ZNF280D: variants seen among roughly 807,000 people sequenced by gnomAD.
ZNF280D encodes the protein suppressor of hairy wing homolog 4.
Under a neutral mutation model 94.7 loss-of-function variants are expected in ZNF280D, and 39 were observed. The observed-to-expected ratio is 0.41, with a 90% CI of 0.32 to 0.54. ZNF280D has a LOEUF of 0.54. Ranked by LOEUF, ZNF280D falls within the 20% of genes least tolerant of loss-of-function variation. The pLI is 0.22. For synonymous variants in ZNF280D, 398 were observed against 377.6 expected (o/e 1.05, Z -0.63); for missense variants, 1,090 against 1,149.3 (o/e 0.95, Z 0.75).
intron 1 of ZNF280D, among the ~76,000 whole-genome samples, chr15:56,723,042 C>T (rs1402293641): frequency 7.4e-6 from 1 of 134,836 alleles, no homozygotes; most frequent in Non-Finnish European, 1.5e-5. Context: ...ATCACATGGA[C>T]ACAGGAAGGG....
intron 1 of ZNF280D, among the ~76,000 whole-genome samples, chr15:56,709,401 A>T (rs1346875534): frequency 2.0e-4 from 30 of 151,678 alleles, no homozygotes; most frequent in African/African-American, 6.8e-4. Context: ...ACACTTTTAC[A>T]CTGTTGGTGG....
At position 56,699,517 on chromosome 15, in the gene ZNF280D, T is replaced by C. The variant is rs111944807; in HGVS notation, c.381+1416A>G. The C allele has an allele frequency of 3.5e-4, 295 of 835,622 alleles. 7 individuals carry two copies. The African/African-American group carries it at 4.7e-3, about 13-fold the overall frequency. 51.8% of individuals were successfully genotyped at this position (835,622 alleles called of 1,614,324 possible). ...AACTAACATGACTGAAATAAAATAG[T>C]GTTATATTTTGTTCTTTAGACTCTT... is the stretch of plus-strand genomic sequence containing the variant. On this transcript the variant is annotated intron_variant, in intron 6 of 21. Coordinates refer to ENST00000267807, the MANE Select transcript of ZNF280D (RefSeq NM_017661.4).
In ZNF280D at chr15:56,652,098, T is replaced by C. The variant is rs1254154984; in HGVS notation, c.2213+2100A>G. On this transcript the variant is annotated intron_variant, in intron 19 of 21. Coordinates refer to ENST00000267807, the MANE Select transcript of ZNF280D (RefSeq NM_017661.4). ...GTCCACTACTAAGAAACAAACTACT[T>C]GCGGAGATTTTGGAAAACCTTTCAC... is the stretch of plus-strand genomic sequence containing the variant. 3.3e-5 allele frequency among the ~76,000 whole-genome samples: 5 copies of C among 151,450 alleles called. No homozygotes were observed. The East Asian group carries it at 9.6e-4, about 29-fold the overall frequency.
intron 1 of ZNF280D, among the ~76,000 whole-genome samples, chr15:56,708,012 G>A (rs1328117640): frequency 3.3e-5 from 5 of 151,760 alleles, no homozygotes; most frequent in African/African-American, 7.3e-5. Context: ...CCATGCACAC[G>A]CAATAGCATG....
chr15:56,651,545 A>G (rs2053205495), intron 19 of ZNF280D, among the ~76,000 whole-genome samples: 1 of 152,086 alleles, frequency 6.6e-6, no homozygotes, highest in Non-Finnish European at 1.5e-5. Context: ...GATACATACT[A>G]TAAAAAAAAA....
Position 56,640,154 on chromosome 15 carries a change from T to C in ZNF280D, c.2259+2798A>G, listed in dbSNP as rs567007248. Among the ~76,000 whole-genome samples the C allele has an allele frequency of 2.1e-3, 327 of 152,300 alleles. 2 individuals carry two copies. Among genetic ancestry groups the C allele is most frequent in the African/African-American group, 7.6e-3 (317 of 41,568 alleles). On this transcript the variant is annotated intron_variant, in intron 20 of 21. Transcript: ENST00000267807. The stretch of plus-strand genomic sequence containing the variant: ...GGAAAAGAAATCATGGGGTACTTTC[T>C]GGCTCAGCATAACAGTCTCAAAAAT...
intron 1 of ZNF280D, among the ~76,000 whole-genome samples, chr15:56,720,010 C>T (rs1380792394): frequency 6.6e-6 from 1 of 151,480 alleles, no homozygotes; most frequent in Non-Finnish European, 1.5e-5. Flanking sequence ...TAGTGGCTGG[C>T]TGAAGGTTGG....
chr15:56,663,064 A>G (rs2054055964), intron 16 of ZNF280D, among the ~76,000 whole-genome samples: 1 of 151,372 alleles, frequency 6.6e-6, no homozygotes, highest in South Asian at 2.1e-4. Context: ...TAGGCAGATC[A>G]CTTAAGCCCA....
At chr15:56,716,367 T>C (rs759845794) in intron 1 of ZNF280D, among the ~76,000 whole-genome samples, 2 of 152,044 alleles carry the variant, frequency 1.3e-5, no homozygotes, top group Non-Finnish European at 2.9e-5. Flanking sequence ...AAGTTGTTAT[T>C]TGAAGAAAGG....
At chr15:56,719,796 T>C (rs2058248672) in intron 1 of ZNF280D, among the ~76,000 whole-genome samples, 1 of 151,374 alleles carries the variant, frequency 6.6e-6, no homozygotes, top group South Asian at 2.1e-4. Flanking sequence ...AATATAAAAG[T>C]TAGGTTTACA....
In ZNF280D at chr15:56,663,605, C is replaced by T. The variant is rs137956271; in HGVS notation, c.1994+2790G>A. Among the ~76,000 whole-genome samples, 11 of 152,268 alleles carry T rather than the reference C, an allele frequency of 7.2e-5. No homozygotes were observed. The East Asian group carries it at 1.5e-3, about 21-fold the overall frequency. On this transcript the variant is annotated intron_variant, in intron 16 of 21. Coordinates refer to ENST00000267807, the MANE Select transcript of ZNF280D (RefSeq NM_017661.4). ...GAGGTTGAGAAAAAGACAAAAAGAC[C>T]TACCCAACCCTAAGAGTGGCAATGG... is the stretch of plus-strand genomic sequence containing the variant.
intron 20 of ZNF280D, among the ~76,000 whole-genome samples, chr15:56,640,465 C>A (rs2052574465): frequency 6.6e-6 from 1 of 151,880 alleles, no homozygotes; most frequent in Non-Finnish European, 1.5e-5. Context: ...GAATGTTAGT[C>A]AGAAAAATAT....
chr15:56,705,063 C>A (rs1317039005), intron 3 of ZNF280D, among the ~76,000 whole-genome samples: 1 of 151,852 alleles, frequency 6.6e-6, no homozygotes, highest in Admixed American at 6.6e-5. Context: ...TAGGCTTATT[C>A]AATTAAAGGC....
chr15:56,648,231 A>G (rs142078474), intron 19 of ZNF280D, among the ~76,000 whole-genome samples: 1 of 152,254 alleles, frequency 6.6e-6, no homozygotes, highest in East Asian at 1.9e-4. Flanking sequence ...TATCACTGCT[A>G]AATTAATCCT....
intron 6 of ZNF280D, among the ~76,000 whole-genome samples, chr15:56,695,884 A>G (rs929513535): frequency 4.6e-5 from 7 of 152,148 alleles, no homozygotes; most frequent in Non-Finnish European, 1.0e-4. Flanking sequence ...AAAAAGAGAA[A>G]TATGTATTTG....
chr15:56,699,666 A>C, intron 6 of ZNF280D: 1 of 802,058 alleles, frequency 1.2e-6, no homozygotes, highest in Non-Finnish European at 1.5e-6. Context: ...TCTTTCATGT[A>C]ACAACAAAAA....
intron 13 of ZNF280D, among the ~76,000 whole-genome samples, chr15:56,675,078 T>G (rs773121504): frequency 2.0e-5 from 3 of 151,986 alleles, no homozygotes; most frequent in Non-Finnish European, 4.4e-5. Flanking sequence ...TGCCCCCTCT[T>G]TACTGCTGGC....
chr15:56,715,217 T>C (rs1298686572), intron 1 of ZNF280D, among the ~76,000 whole-genome samples: 1 of 152,146 alleles, frequency 6.6e-6, no homozygotes, highest in Admixed American at 6.5e-5. Flanking sequence ...GGTTAGGAAA[T>C]ACCCTATCAT....
At chr15:56,677,191 T>C (rs1410355736) in intron 12 of ZNF280D, among the ~76,000 whole-genome samples, 3 of 152,234 alleles carry the variant, frequency 2.0e-5, no homozygotes, top group Non-Finnish European at 4.4e-5. Context: ...TTTATGGCAA[T>C]GGCAATTTAT....
Sources: gnomAD v4.1 joint callset for allele counts (sites outside exome capture counted in the v4.1 genomes callset) on GRCh38, gnomAD v4.1.1 for gene constraint, MANE v1.5 for transcripts, NCBI Gene and HGNC (gene_info 2026-07-23, HGNC 2026-07-21) for gene names.